The following TOR1AIP1 variants were observed in gnomAD, a reference collection of about 807,000 sequenced individuals.
TOR1AIP1 encodes torsin-1A-interacting protein 1.
In TOR1AIP1, 54 loss-of-function variants were observed where a neutral mutation model predicts 63.3. The observed-to-expected ratio is 0.85, with a 90% CI of 0.69 to 1.07. TOR1AIP1 has a LOEUF of 1.07. Among genes scored for constraint, TOR1AIP1 ranks in the 50% least tolerant of loss-of-function variants. TOR1AIP1 has a pLI of 0.00. For missense variants in TOR1AIP1, 736 were observed against 715.0 expected (o/e 1.03, Z -0.33); for synonymous variants, 294 against 273.5 (o/e 1.07, Z -0.74).
intron 3 of TOR1AIP1, among the ~76,000 whole-genome samples, chr1:179,892,692 T>C (rs1433721434): frequency 6.8e-6 from 1 of 146,084 alleles, no homozygotes; most frequent in Admixed American, 6.9e-5. Flanking sequence ...GAGCCAGGAT[T>C]GCGCCACTGC....
Position 179,913,759 on chromosome 1 carries a change from G to C in TOR1AIP1, c.908-239G>C, listed in dbSNP as rs890017572. ...AAACTTTCTCTCAAAACTAATTATT[G>C]TGTGCTTTGTACTAGACCCCACCAT... On this transcript the variant is annotated intron_variant, in intron 8 of 9. Transcript: ENST00000606911. 11 of 679,140 alleles carry C rather than the reference G, an allele frequency of 1.6e-5. No individual in the cohort carries two copies. The Admixed American group carries it at 2.3e-4, about 14-fold the overall frequency. 42.1% of individuals were successfully genotyped at this position (679,140 alleles called of 1,614,324 possible). A position where few individuals can be genotyped will look rare whatever the true frequency, so the allele number is the denominator to read the frequency against.
At chr1:179,908,090 A>G (rs1648711357) in intron 7 of TOR1AIP1, among the ~76,000 whole-genome samples, 2 of 151,620 alleles carry the variant, frequency 1.3e-5, no homozygotes, top group South Asian at 4.2e-4. Context: ...TTGTATTTTT[A>G]GTAGAGACGG....
In TOR1AIP1 at chr1:179,919,219, A is replaced by T. The variant is rs1405965699; in HGVS notation, c.*980A>T. On this transcript the variant is annotated 3_prime_UTR_variant, in exon 10 of 10. Coordinates refer to ENST00000606911, the MANE Select transcript of TOR1AIP1 (RefSeq NM_015602.4). ...GCGGAGGTTGCAGTAAGCCGAGACC[A>T]TGCTTATTGCCCTCCAGTCTGGGCA... 6.6e-6 allele frequency: 1 copy of T among 152,006 alleles called. No homozygotes were observed. The highest frequency in any genetic ancestry group is 2.4e-5 in the African/African-American group (1 of 41,368). The allele number at this position is 152,006 out of a possible 1,614,324, so 9.4% of individuals were successfully genotyped here.
At chr1:179,911,627 A>G (rs998667075) in intron 8 of TOR1AIP1, among the ~76,000 whole-genome samples, 1 of 152,262 alleles carries the variant, frequency 6.6e-6, no homozygotes, top group Admixed American at 6.5e-5. Flanking sequence ...AGAAATTTAG[A>G]TAGAGAAAAG....
intron 6 of TOR1AIP1, among the ~76,000 whole-genome samples, chr1:179,905,592 A>G (rs2148478853): frequency 6.6e-6 from 1 of 152,310 alleles, no homozygotes; most frequent in South Asian, 2.1e-4. Context: ...ATTTTACTCC[A>G]AATCTTTGAT....
chr1:179,912,451 T>C (rs1648872286), intron 8 of TOR1AIP1, among the ~76,000 whole-genome samples: 1 of 152,256 alleles, frequency 6.6e-6, no homozygotes, highest in African/African-American at 2.4e-5. Context: ...TGTATGTGTT[T>C]GTGTTATATG....
intron 1 of TOR1AIP1, 168 bp downstream of exon 1, chr1:179,883,145 C>T: frequency 3.0e-6 from 2 of 674,602 alleles, no homozygotes; most frequent in Non-Finnish European, 5.0e-6. Flanking sequence ...GCCACCCTGA[C>T]CCGCAGCGGG....
At chr1:179,892,808 C>T (rs548034224) in intron 3 of TOR1AIP1, among the ~76,000 whole-genome samples, 38 of 151,766 alleles carry the variant, frequency 2.5e-4, no homozygotes, top group Admixed American at 1.9e-3. Context: ...TTTGCTAGAG[C>T]ATTTTTATAA....
At chr1:179,894,248 C>T (rs1648195038) in intron 3 of TOR1AIP1, among the ~76,000 whole-genome samples, 1 of 141,476 alleles carries the variant, frequency 7.1e-6, no homozygotes, top group Non-Finnish European at 1.5e-5. Context: ...GAGACTCTGT[C>T]TCAAAAAAAA....
At chr1:179,917,035 G>C (rs1649041031) in intron 9 of TOR1AIP1, among the ~76,000 whole-genome samples, 1 of 151,944 alleles carries the variant, frequency 6.6e-6, no homozygotes, top group Non-Finnish European at 1.5e-5. Flanking sequence ...ATTTCACCTT[G>C]AATAATTAGC....
intron 1 of TOR1AIP1, chr1:179,883,633 A>T (rs1647816046): frequency 2.2e-6 from 1 of 456,266 alleles, no homozygotes; most frequent in Non-Finnish European, 4.4e-6. Flanking sequence ...CCCTGCCAAA[A>T]ATCTGCCACT....
chr1:179,905,359 C>A (rs921359486), intron 6 of TOR1AIP1, among the ~76,000 whole-genome samples: 2 of 151,438 alleles, frequency 1.3e-5, no homozygotes, highest in Admixed American at 6.6e-5. Context: ...CCAGCCTGGG[C>A]GACAGAGTGA....
At chr1:179,883,402 C>T (rs1048863461) in intron 1 of TOR1AIP1, among the ~76,000 whole-genome samples, 10 of 152,238 alleles carry the variant, frequency 6.6e-5, no homozygotes, top group Admixed American at 2.0e-4. Context: ...GAGTCCCCAG[C>T]TGAGGATCTA....
intron 3 of TOR1AIP1, among the ~76,000 whole-genome samples, chr1:179,899,230 G>T (rs1648373288): frequency 6.7e-6 from 1 of 149,456 alleles, no homozygotes; most frequent in Admixed American, 6.8e-5. Flanking sequence ...ACCCAATTGT[G>T]AAATACCTGC....
intron 9 of TOR1AIP1, among the ~76,000 whole-genome samples, chr1:179,917,161 TTC>T (rs1244146022): frequency 6.6e-6 from 1 of 152,234 alleles, no homozygotes; most frequent in Admixed American, 6.5e-5. Flanking sequence ...ACTATTATTT[TTC>T]TGACTTGTTT....
chr1:179,908,635 G>T lies in TOR1AIP1; in HGVS notation c.869G>T (p.Trp290Leu). Residue 290 changes from tryptophan to leucine, a missense_variant, in exon 8 of 10, where the codon TGG becomes TTG. Physicochemically the swap from Trp to Leu is moderately conservative, Grantham distance 61. Around this residue, in one of 2 missense-constraint regions of TOR1AIP1, gnomAD observed 464 missense variants for 371.0 expected, o/e 1.25. Coordinates refer to ENST00000606911, the MANE Select transcript of TOR1AIP1 (RefSeq NM_015602.4). ...GGATATCAAAAAACTCCCCAGGAAT[G>T]GGCCCCACAAACTGCAAGAATAAGG... The part of the protein sequence containing the change: ...SSGYQKTPQE[W>L]APQTARIRTR... 8 of 1,613,546 alleles carry T rather than the reference G, an allele frequency of 5.0e-6. No homozygotes were observed. The highest frequency in any genetic ancestry group is 4.2e-6 in the Non-Finnish European group (5 of 1,179,612).
In TOR1AIP1 at chr1:179,917,864, A is replaced by G. The variant is rs1354388126; in HGVS notation, c.1377A>G (p.Leu459=). ...KATQDSDTVK[L]EVDQELSNGF... ...CTCAAGACAGTGATACTGTCAAACTAGAGGTAGACCAAGAACTGAGCAATG... is the reference window on the plus strand; with the variant it reads ...CTCAAGACAGTGATACTGTCAAACTGGAGGTAGACCAAGAACTGAGCAATG... Residue 459 remains leucine, a synonymous_variant, in exon 10 of 10, where the codon CTA becomes CTG. Transcript: ENST00000606911. The G allele has an allele frequency of 3.1e-6, 5 of 1,614,092 alleles. No individual in the cohort carries two copies. The highest frequency in any genetic ancestry group is 3.4e-6 in the Non-Finnish European group (4 of 1,180,040).
In TOR1AIP1 at chr1:179,918,042, C is replaced by G; in HGVS notation, c.1555C>G (p.Leu519Val). 1 of 1,614,198 alleles carries G rather than the reference C, an allele frequency of 6.2e-7. No homozygotes were observed. The highest frequency in any genetic ancestry group is 8.5e-7 in the Non-Finnish European group (1 of 1,180,030). ...VLTVLLEEETLGTSLGLKEVE... is the reference protein window; with the variant it reads ...VLTVLLEEETVGTSLGLKEVE... ...GACTGTCTTATTGGAGGAAGAGACACTTGGAACAAGTCTAGGCCTAAAGGA... is the reference window on the plus strand; with the variant it reads ...GACTGTCTTATTGGAGGAAGAGACAGTTGGAACAAGTCTAGGCCTAAAGGA... The change falls in exon 10 of 10, where the codon CTT (leucine) becomes GTT (valine). Residue 519 changes from leucine (L) to valine (V), a missense_variant. Coordinates refer to ENST00000606911, the MANE Select transcript of TOR1AIP1 (RefSeq NM_015602.4).
At chr1:179,901,474 A>G in intron 5 of TOR1AIP1, 86 bp downstream of exon 5, 1 of 655,298 alleles carries the variant, frequency 1.5e-6, no homozygotes, top group East Asian at 3.1e-5. Context: ...AAACTTTCAA[A>G]TTTTTATTAA....
Sources: allele counts gnomAD v4.1 joint callset (sites outside exome capture counted in the v4.1 genomes callset), GRCh38; gene constraint gnomAD v4.1.1; regional missense constraint gnomAD v4.1.1; transcripts MANE v1.5; gene names NCBI Gene and HGNC (gene_info 2026-07-23, HGNC 2026-07-21).